Variants in PGPEP1L observed in about 807,000 individuals in gnomAD.
PGPEP1L encodes the protein pyroglutamyl-peptidase 1-like protein.
A neutral mutation model predicts 6.0 loss-of-function variants in PGPEP1L; 7 were observed. The ratio of observed to expected loss-of-function variants is 1.17; its 90% confidence interval spans 0.66 to 2.19. PGPEP1L has a LOEUF of 2.19. Ranked by LOEUF, PGPEP1L falls within the 30% of genes most tolerant of loss-of-function variation. The pLI, the probability that PGPEP1L is intolerant of heterozygous loss-of-function variation, is 0.00. For synonymous variants in PGPEP1L, 103 were observed against 83.9 expected (o/e 1.23, Z -1.24); for missense variants, 209 against 192.5 (o/e 1.09, Z -0.51).
intron 2 of PGPEP1L, among the ~76,000 whole-genome samples, chr15:98,985,372 C>G (rs2017733137): frequency 6.6e-6 from 1 of 152,160 alleles, no homozygotes; most frequent in South Asian, 2.1e-4. Context: ...AACCTCATCT[C>G]TACTAAACAT....
intron 2 of PGPEP1L, among the ~76,000 whole-genome samples, chr15:98,991,381 A>G (rs145679493): frequency 0.068 from 10,332 of 152,274 alleles, 473 homozygotes; most frequent in South Asian, 0.12. Flanking sequence ...ATCCCTGGAC[A>G]CATACACCCT....
intron 2 of PGPEP1L, among the ~76,000 whole-genome samples, chr15:99,004,699 A>C (rs1555473415): frequency 6.6e-6 from 1 of 152,220 alleles, no homozygotes; most frequent in Non-Finnish European, 1.5e-5. Context: ...GCCTAGCGAC[A>C]GAACAAGACT....
chr15:98,989,611 A>T (rs1318479968), intron 2 of PGPEP1L, among the ~76,000 whole-genome samples: 88 of 152,202 alleles, frequency 5.8e-4, no homozygotes, highest in Non-Finnish European at 2.9e-4. Flanking sequence ...CCAACATTCA[A>T]ATTCAGAAAA....
chr15:98,976,910 T>C (rs1289487843), intron 2 of PGPEP1L, among the ~76,000 whole-genome samples: 2 of 151,704 alleles, frequency 1.3e-5, no homozygotes, highest in East Asian at 3.9e-4. Context: ...CCTGGTCAAC[T>C]TGGGCCTCAT....
chr15:98,991,980 C>A (rs2017825690), intron 2 of PGPEP1L, among the ~76,000 whole-genome samples: 1 of 152,160 alleles, frequency 6.6e-6, no homozygotes, highest in South Asian at 2.1e-4. Context: ...TTATGACAAA[C>A]CCACAGCCAA....
chr15:98,968,709 G>A lies in PGPEP1L; in HGVS notation c.210-12C>T, dbSNP rs573385687. The A allele has an allele frequency of 7.7e-6, 12 of 1,553,644 alleles. No homozygotes were observed. The highest frequency in any genetic ancestry group is 9.6e-6 in the Non-Finnish European group (11 of 1,147,910). ...AATCACAGACGTATCTGCAACCACA[G>A]GAAATGCCACATTAATTCTCGGACC... On this transcript the variant is annotated splice_polypyrimidine_tract_variant and intron_variant, in intron 4 of 4. Coordinates refer to ENST00000535714, the MANE Select transcript of PGPEP1L (RefSeq NM_001167902.2).
chr15:98,969,144 C>T (rs1437634888), intron 4 of PGPEP1L, among the ~76,000 whole-genome samples: 1 of 152,224 alleles, frequency 6.6e-6, no homozygotes, highest in South Asian at 2.1e-4. Flanking sequence ...AAAACATTCA[C>T]GAAATGTTAG....
At chr15:98,981,218 C>T (rs1490965067) in intron 2 of PGPEP1L, among the ~76,000 whole-genome samples, 1 of 151,888 alleles carries the variant, frequency 6.6e-6, no homozygotes, top group Non-Finnish European at 1.5e-5. Context: ...TCTGGCCGGG[C>T]GCGGTGGCTC....
intron 2 of PGPEP1L, among the ~76,000 whole-genome samples, chr15:98,979,630 ATTCTTTTTT>A (rs1567236772): frequency 3.8e-5 from 4 of 105,924 alleles, no homozygotes; most frequent in South Asian, 2.7e-4. Context: ...ATTGGAGACT[ATTCTTTTTT>A]TTTTTTTTTT....
chr15:98,968,580 C>G lies in PGPEP1L; in HGVS notation c.327G>C (p.Leu109Phe), dbSNP rs1417024642. 9 of 1,611,836 alleles carry G rather than the reference C, an allele frequency of 5.6e-6. No individual in the cohort carries two copies. Among genetic ancestry groups the G allele is most frequent in the Non-Finnish European group, 7.6e-6 (9 of 1,179,142 alleles). The part of the protein sequence containing the change: ...GLPASLLGRA[L>F]RVIIQEMLEE... ...CCAGCATTTCCTGGATGATGACTCT[C>G]AAGGCTCTTCCCAGCAGGCTGGCCG... The change falls in exon 5 of 5, where the codon TTG becomes TTC. Residue 109 changes from leucine (L) to phenylalanine (F), a missense_variant. Leu to Phe is a conservative substitution (Grantham distance 22, BLOSUM62 0). Coordinates refer to ENST00000535714, the MANE Select transcript of PGPEP1L (RefSeq NM_001167902.2).
chr15:99,006,524 ATT>A (rs1401799042), intron 1 of PGPEP1L, among the ~76,000 whole-genome samples: 1 of 152,250 alleles, frequency 6.6e-6, no homozygotes, highest in Non-Finnish European at 1.5e-5. Flanking sequence ...GGAGAATTCT[ATT>A]TAAAAACAAA....
chr15:98,976,151 T>A (rs1252283790), intron 2 of PGPEP1L, among the ~76,000 whole-genome samples: 1 of 152,186 alleles, frequency 6.6e-6, no homozygotes, highest in African/African-American at 2.4e-5. Flanking sequence ...GTAATGATAG[T>A]TGTACAACAA....
rs143377090 is a variant in PGPEP1L at position 98,997,788 on chromosome 15, C to T, written c.-142+7641G>A. On this transcript the variant is annotated intron_variant, in intron 2 of 4. Transcript: ENST00000535714. Reference sequence around the variant, plus strand: ...GAGGCTGGGGGAAATGACTTTCCCCCGGGCCCCATAGCCAGAAGGGACACA... The same window carrying T: ...GAGGCTGGGGGAAATGACTTTCCCCTGGGCCCCATAGCCAGAAGGGACACA... 2.8e-3 allele frequency among the ~76,000 whole-genome samples: 428 copies of T among 152,194 alleles called. 1 individual carries two copies. The highest frequency in any genetic ancestry group is 8.7e-3 in the African/African-American group (363 of 41,544).
At chr15:98,975,900 A>G (rs888820155) in intron 2 of PGPEP1L, among the ~76,000 whole-genome samples, 1 of 152,076 alleles carries the variant, frequency 6.6e-6, no homozygotes, top group African/African-American at 2.4e-5. Flanking sequence ...AAATAAGTAA[A>G]TATGTACAAC....
At chr15:98,997,396 C>T (rs1450018283) in intron 2 of PGPEP1L, among the ~76,000 whole-genome samples, 1 of 152,148 alleles carries the variant, frequency 6.6e-6, no homozygotes, top group Non-Finnish European at 1.5e-5. Flanking sequence ...CCAAAAAACT[C>T]AGAATAAAGA....
chr15:98,981,500 A>C (rs1359832973), intron 2 of PGPEP1L, among the ~76,000 whole-genome samples: 2 of 146,344 alleles, frequency 1.4e-5, no homozygotes, highest in African/African-American at 5.3e-5. Context: ...AAAAAAAAAA[A>C]AAAAAACAAA....
intron 2 of PGPEP1L, among the ~76,000 whole-genome samples, chr15:98,986,479 T>G (rs1045813810): frequency 2.0e-5 from 3 of 152,256 alleles, no homozygotes; most frequent in Non-Finnish European, 4.4e-5. Context: ...GAGGGTAACG[T>G]GCCAACACCA....
intron 2 of PGPEP1L, among the ~76,000 whole-genome samples, chr15:98,996,582 T>C (rs2017891535): frequency 6.9e-6 from 1 of 144,236 alleles, no homozygotes; most frequent in Non-Finnish European, 1.6e-5. Flanking sequence ...GCATGTATTA[T>C]GTGTGTTGTG....
intron 2 of PGPEP1L, among the ~76,000 whole-genome samples, chr15:99,001,885 T>C (rs1267975995): frequency 6.6e-6 from 1 of 152,048 alleles, no homozygotes; most frequent in Non-Finnish European, 1.5e-5. Context: ...GCCCAGCTAA[T>C]TTTTGTATTT....
Sources: gnomAD v4.1 joint callset for allele counts (sites outside exome capture counted in the v4.1 genomes callset) on GRCh38, gnomAD v4.1.1 for gene constraint, MANE v1.5 for transcripts, NCBI Gene and HGNC (gene_info 2026-07-23, HGNC 2026-07-21) for gene names.